Variants in ZSCAN1 observed in about 807,000 individuals in gnomAD.
The protein encoded by ZSCAN1 is zinc finger and SCAN domain-containing protein 1.
Under a neutral mutation model 23.8 loss-of-function variants are expected in ZSCAN1, and 23 were observed. The ratio of observed to expected loss-of-function variants is 0.97; its 90% CI spans 0.70 to 1.37. ZSCAN1 has a LOEUF of 1.37. ZSCAN1 is among the 40% of genes most tolerant of loss of function. ZSCAN1 has a pLI of 0.00. For missense variants in ZSCAN1, 575 were observed against 554.0 expected, an observed-to-expected ratio of 1.04 and a Z score of -0.38; for synonymous variants, 236 against 232.3, an observed-to-expected ratio of 1.02 and a Z score of -0.15.
Position 58,047,865 on chromosome 19 carries a change from G to C in ZSCAN1, c.466-4625G>C, listed in dbSNP as rs1190688121. Among the ~76,000 whole-genome samples, 1 of 152,230 alleles carries C rather than the reference G, an allele frequency of 6.6e-6. No homozygotes were observed. On this transcript the variant is annotated intron_variant, in intron 4 of 5. Coordinates refer to ENST00000282326, the MANE Select transcript of ZSCAN1 (RefSeq NM_182572.4). This position sits in a 1 kb window ranked among gnomAD's most constrained non-coding sequence, Gnocchi z 4.9. The stretch of plus-strand genomic sequence containing the variant: ...TGGGTGGGGTGGCCTCCCTGCACTC[G>C]GCAGCATGGTCGGGCTGGCGAGGGC...
Position 58,040,447 on chromosome 19 carries a change from C to T in ZSCAN1, c.371-3C>T. ...CCTCTCACGATCCCTTTCTCCCGCA[C>T]AGTTCTGGTATCTCTGGACTCGGTC... is the stretch of plus-strand genomic sequence containing the variant. On this transcript the variant is annotated splice_region_variant and splice_polypyrimidine_tract_variant and intron_variant, in intron 3 of 5. Transcript: ENST00000282326. The surrounding 1 kb of genome is among the most constrained non-coding windows in gnomAD (Gnocchi z 5.8). 6.2e-7 allele frequency: 1 copy of T among 1,613,486 alleles called. No individual in the cohort carries two copies. Among genetic ancestry groups the T allele is most frequent in the Non-Finnish European group, 8.5e-7 (1 of 1,179,910 alleles).
At chr19:58,036,566 AGTG>A (rs2073738989) in intron 2 of ZSCAN1, among the ~76,000 whole-genome samples, 1 of 132,948 alleles carries the variant, frequency 7.5e-6, no homozygotes, top group South Asian at 2.3e-4. Context: ...CTCAGGCTGG[AGTG>A]CAGTGGCACA....
In ZSCAN1 at chr19:58,049,633, T is replaced by G. The variant is rs1333480813; in HGVS notation, c.466-2857T>G. On this transcript the variant is annotated intron_variant, in intron 4 of 5. Coordinates refer to ENST00000282326, the MANE Select transcript of ZSCAN1 (RefSeq NM_182572.4). This position sits in a 1 kb window ranked among gnomAD's most constrained non-coding sequence, Gnocchi z 4.5. ...CCATGGGGAGGGGCTGCCTGAAGCC[T>G]GTAAGGGTAGCTGCCCGAAGCCCTT... Among the ~76,000 whole-genome samples, 1 of 152,144 alleles carries G rather than the reference T, an allele frequency of 6.6e-6. No individual in the cohort carries two copies. Among genetic ancestry groups the G allele is most frequent in the Non-Finnish European group, 1.5e-5 (1 of 68,018 alleles).
In ZSCAN1 at chr19:58,050,875, G is replaced by T. The variant is rs139508118; in HGVS notation, c.466-1615G>T. 6.7e-4 allele frequency among the ~76,000 whole-genome samples: 102 copies of T among 152,212 alleles called. 1 individual carries two copies. The highest frequency in any genetic ancestry group is 2.3e-3 in the African/African-American group (96 of 41,520). On this transcript the variant is annotated intron_variant, in intron 4 of 5. Transcript: ENST00000282326. Reference sequence around the variant, plus strand: ...TGGTTTGCATCAGGACTCTCCCAGGGTGTGACATGCATCTCCCTCCCGCCT... The same window carrying T: ...TGGTTTGCATCAGGACTCTCCCAGGTTGTGACATGCATCTCCCTCCCGCCT...
At chr19:58,055,275 C>T (rs578149035), downstream of ZSCAN1, among the ~76,000 whole-genome samples, 3 of 152,264 alleles carry the variant, frequency 2.0e-5, no homozygotes, top group South Asian at 2.1e-4. Flanking sequence ...CCTCTGTCCC[C>T]GATGGCCCTC....
Position 58,038,151 on chromosome 19 carries a change from C to T in ZSCAN1, c.315C>T (p.Ser105=), listed in dbSNP as rs748367735. The change falls in exon 3 of 6, where the codon AGC becomes AGT. Residue 105 remains serine, a synonymous_variant. Coordinates refer to ENST00000282326, the MANE Select transcript of ZSCAN1 (RefSeq NM_182572.4). The part of the protein sequence containing the change: ...RTWVQSQGPR[S]CREAASLVED... ...GGGTGCAGTCACAGGGCCCCCGAAGCTGCAGGGAGGCCGCCAGCCTGGTGG... is the reference window on the plus strand; with the variant it reads ...GGGTGCAGTCACAGGGCCCCCGAAGTTGCAGGGAGGCCGCCAGCCTGGTGG... 14 of 1,609,044 alleles carry T rather than the reference C, an allele frequency of 8.7e-6. No individual in the cohort carries two copies. Among genetic ancestry groups the T allele is most frequent in the East Asian group, 2.2e-5 (1 of 44,836 alleles).
At position 58,054,012 on chromosome 19, in the gene ZSCAN1, T is replaced by G; in HGVS notation, c.1188T>G (p.Ile396Met). Residue 396 changes from isoleucine (I) to methionine (M), a missense_variant, in exon 6 of 6, where the codon ATT (isoleucine) becomes ATG (methionine). By Grantham distance (10) the Ile-to-Met change is conservative (BLOSUM62 1). Coordinates refer to ENST00000282326, the MANE Select transcript of ZSCAN1 (RefSeq NM_182572.4). The surrounding 1 kb of genome is among the most constrained non-coding windows in gnomAD (Gnocchi z 4.2). ...GKAFPWMVHL[I>M]DHQKLHTAHG... is the part of the protein sequence containing the mutation. ...CCTTCCCCTGGATGGTCCACCTCAT[T>G]GACCACCAGAAGCTCCACACGGCCC... is the stretch of plus-strand genomic sequence containing the variant. The G allele has an allele frequency of 6.4e-7, 1 of 1,553,120 alleles. No homozygotes were observed.
Position 58,046,771 on chromosome 19 carries a change from G to A in ZSCAN1, c.466-5719G>A, listed in dbSNP as rs1220434074. On this transcript the variant is annotated intron_variant, in intron 4 of 5. Coordinates refer to ENST00000282326, the MANE Select transcript of ZSCAN1 (RefSeq NM_182572.4). Reference sequence around the variant, plus strand: ...GAGGTTGCAGAGGTGAAGAGCTAGAGCCACTGGCGTGGGCACCTGTCCTCC... The same window carrying A: ...GAGGTTGCAGAGGTGAAGAGCTAGAACCACTGGCGTGGGCACCTGTCCTCC... 4 of 759,766 alleles carry A rather than the reference G, an allele frequency of 5.3e-6. No individual in the cohort carries two copies. In the East Asian group the frequency reaches 7.4e-5, roughly 14 times the overall value. The allele number at this position is 759,766 out of a possible 1,614,324, so 47.1% of individuals were successfully genotyped here.
rs1168907258 is a variant in ZSCAN1, at chr19:58,040,345, G to A, written c.371-105G>A. ...AGCCACTCTTGCCTGCGCCTCAGGGGTGCTGCAGGGATGTTCGGGGAAAGT... is the reference window on the plus strand; with the variant it reads ...AGCCACTCTTGCCTGCGCCTCAGGGATGCTGCAGGGATGTTCGGGGAAAGT... On this transcript the variant is annotated intron_variant, in intron 3 of 5. Transcript: ENST00000282326. The surrounding 1 kb of genome is among the most constrained non-coding windows in gnomAD (Gnocchi z 5.8). The A allele has an allele frequency of 5.9e-6, 7 of 1,184,186 alleles. No homozygotes were observed. The highest frequency in any genetic ancestry group is 8.7e-6 in the Non-Finnish European group (7 of 808,274). The allele number at this position is 1,184,186 out of a possible 1,614,324, so 73.4% of individuals were successfully genotyped here.
intron 1 of ZSCAN1, among the ~76,000 whole-genome samples, chr19:58,034,749 C>T (rs1413599398): frequency 7.8e-6 from 1 of 128,644 alleles, no homozygotes; most frequent in African/African-American, 2.9e-5. Context: ...CACCCAATCA[C>T]CCCACCATCC....
chr19:58,056,492 T>C (rs899990870), downstream of ZSCAN1, among the ~76,000 whole-genome samples: 8 of 152,234 alleles, frequency 5.3e-5, no homozygotes, highest in Admixed American at 4.6e-4. Context: ...CATTGTGGGC[T>C]GCAGTTTCCA....
intron 5 of ZSCAN1, 146 bp downstream of exon 5, chr19:58,052,774 G>A: frequency 8.0e-7 from 1 of 1,255,134 alleles, no homozygotes; most frequent in Non-Finnish European, 1.1e-6. Context: ...CCTCCTGTGA[G>A]GACTGAGATC....
In ZSCAN1 at chr19:58,053,462, T is replaced by A; in HGVS notation, c.638T>A (p.Ile213Asn). 6.2e-7 allele frequency: 1 copy of A among 1,613,062 alleles called. No individual in the cohort carries two copies. Among genetic ancestry groups the A allele is most frequent in the Non-Finnish European group, 8.5e-7 (1 of 1,179,238 alleles). The change falls in exon 6 of 6, where the codon ATC becomes AAC. Residue 213 changes from isoleucine (I) to asparagine (N), a missense_variant. Coordinates refer to ENST00000282326, the MANE Select transcript of ZSCAN1 (RefSeq NM_182572.4). This position sits in a 1 kb window ranked among gnomAD's most constrained non-coding sequence, Gnocchi z 5.8. ...GCCCGCTTGCCTCTGAAGCCGAGTATCTGGGACGAGCCTGAGGACCTTCTC... is the reference window on the plus strand; with the variant it reads ...GCCCGCTTGCCTCTGAAGCCGAGTAACTGGGACGAGCCTGAGGACCTTCTC... ...SRARLPLKPS[I>N]WDEPEDLLAG...
In ZSCAN1 at chr19:58,045,999, G is replaced by A. The variant is rs530338815; in HGVS notation, c.465+5455G>A. ...AGGAGAAGGCGACCATGCAGTAGGA[G>A]CACCGCGAGAAGGAGCTGCAGAAGC... On this transcript the variant is annotated intron_variant, in intron 4 of 5. Coordinates refer to ENST00000282326, the MANE Select transcript of ZSCAN1 (RefSeq NM_182572.4). This position sits in a 1 kb window ranked among gnomAD's most constrained non-coding sequence, Gnocchi z 4.3. 62 of 712,070 alleles carry A rather than the reference G, an allele frequency of 8.7e-5. No homozygotes were observed. The East Asian group carries it at 1.4e-3, about 17-fold the overall frequency. The allele number at this position is 712,070 out of a possible 1,614,324, so 44.1% of individuals were successfully genotyped here. A position where few individuals can be genotyped will look rare whatever the true frequency, so the allele number is the denominator to read the frequency against.
Position 58,045,091 on chromosome 19 carries a change from G to T in ZSCAN1, c.465+4547G>T. The T allele has an allele frequency of 8.2e-7, 1 of 1,222,784 alleles. No homozygotes were observed. Among genetic ancestry groups the T allele is most frequent in the Non-Finnish European group, 1.2e-6 (1 of 827,278 alleles). The allele number at this position is 1,222,784 out of a possible 1,614,324, so 75.7% of individuals were successfully genotyped here. ...CTGAGGCACTACTACCATGGCTTCC[G>T]CCTGCTACGGATCCACACCAAGATC... On this transcript the variant is annotated intron_variant, in intron 4 of 5. Coordinates refer to ENST00000282326, the MANE Select transcript of ZSCAN1 (RefSeq NM_182572.4). This position sits in a 1 kb window ranked among gnomAD's most constrained non-coding sequence, Gnocchi z 4.3.
Position 58,047,758 on chromosome 19 carries a change from G to A in ZSCAN1, c.466-4732G>A, listed in dbSNP as rs2073835291. Among the ~76,000 whole-genome samples, 1 of 152,210 alleles carries A rather than the reference G, an allele frequency of 6.6e-6. No homozygotes were observed. Among genetic ancestry groups the A allele is most frequent in the Non-Finnish European group, 1.5e-5 (1 of 68,036 alleles). ...TCCTTTAACAAGCAGGCTGGTCACC[G>A]AGGCACGAAGACGAGGCACAGGGCA... is the stretch of plus-strand genomic sequence containing the variant. On this transcript the variant is annotated intron_variant, in intron 4 of 5. Coordinates refer to ENST00000282326, the MANE Select transcript of ZSCAN1 (RefSeq NM_182572.4). This position sits in a 1 kb window ranked among gnomAD's most constrained non-coding sequence, Gnocchi z 4.9.
intron 4 of ZSCAN1, among the ~76,000 whole-genome samples, chr19:58,050,736 G>C (rs957790174): frequency 7.2e-5 from 11 of 152,046 alleles, no homozygotes; most frequent in African/African-American, 2.7e-4. Flanking sequence ...GGCCTAGATG[G>C]TCTCGATATC....
chr19:58,041,919 C>G (rs1172350544), intron 4 of ZSCAN1, among the ~76,000 whole-genome samples: 1 of 152,050 alleles, frequency 6.6e-6, no homozygotes, highest in Non-Finnish European at 1.5e-5. Context: ...GCATGTAATC[C>G]CAGCACTTTG....
chr19:58,044,572 C>A, intron 4 of ZSCAN1: 2 of 710,012 alleles, frequency 2.8e-6, no homozygotes, highest in Non-Finnish European at 4.5e-6. Context: ...CCCGAGCGGC[C>A]GCCACGCCCG....
Sources: allele counts gnomAD v4.1 joint callset (sites outside exome capture counted in the v4.1 genomes callset), GRCh38; gene constraint gnomAD v4.1.1; non-coding constraint Gnocchi (gnomAD v3.1); transcripts MANE v1.5; gene names NCBI Gene and HGNC (gene_info 2026-07-23, HGNC 2026-07-21).